CSMD1: variants seen among roughly 807,000 people sequenced by gnomAD.
CSMD1 encodes CUB and sushi domain-containing protein 1.
A neutral mutation model predicts 417.5 loss-of-function variants in CSMD1; 213 were observed. The ratio of observed to expected loss-of-function variants is 0.51; its 90% confidence interval spans 0.46 to 0.57. The LOEUF is 0.57. Among genes scored for constraint, CSMD1 ranks in the 20% least tolerant of loss-of-function variants. The pLI, the probability that CSMD1 is intolerant of heterozygous loss-of-function variation, is 0.00. For synonymous variants in CSMD1, 2,862 were observed against 1,736.8 expected (o/e 1.65, Z -16.11); for missense variants, 6,923 against 4,529.7 (o/e 1.53, Z -15.17).
At chr8:3,207,857 T>C (rs539622483) in intron 30 of CSMD1, among the ~76,000 whole-genome samples, 3 of 152,318 alleles carry the variant, frequency 2.0e-5, no homozygotes, top group South Asian at 4.1e-4. Flanking sequence ...TTTTTATGAT[T>C]TTAAATAGAA....
chr8:4,510,413 A>AAAAAAAAAAAAAAAAAAC (rs1802756670), intron 2 of CSMD1, among the ~76,000 whole-genome samples: 1 of 147,320 alleles, frequency 6.8e-6, no homozygotes, highest in Non-Finnish European at 1.5e-5. Flanking sequence ...AAAAAAAAAA[A>AAAAAAAAAAAAAAAAAAC]AAAAAAAAAG....
chr8:4,255,472 C>G (rs1195039966), intron 3 of CSMD1, among the ~76,000 whole-genome samples: 3 of 152,136 alleles, frequency 2.0e-5, no homozygotes, highest in Non-Finnish European at 1.5e-5. Context: ...TCTATAAAGA[C>G]TTGTTCATTA....
intron 1 of CSMD1, among the ~76,000 whole-genome samples, chr8:4,702,337 T>A (rs1234502637): frequency 1.3e-5 from 2 of 152,174 alleles, no homozygotes; most frequent in African/African-American, 4.8e-5. Flanking sequence ...GGATTAGGAA[T>A]CTTTGCTAAA....
At chr8:4,376,371 G>A (rs1450190981) in intron 3 of CSMD1, among the ~76,000 whole-genome samples, 2 of 152,154 alleles carry the variant, frequency 1.3e-5, no homozygotes, top group Non-Finnish European at 2.9e-5. Context: ...AATACTTACT[G>A]TGAGTAACCA....
chr8:3,967,886 G>A (rs990490779), intron 5 of CSMD1, among the ~76,000 whole-genome samples: 7 of 151,802 alleles, frequency 4.6e-5, no homozygotes, highest in African/African-American at 1.7e-4. Flanking sequence ...TGCCACAATT[G>A]GCCGGGCGCA....
intron 7 of CSMD1, among the ~76,000 whole-genome samples, chr8:3,683,230 A>G (rs1563269234): frequency 6.6e-6 from 1 of 151,594 alleles, no homozygotes; most frequent in Non-Finnish European, 1.5e-5. Context: ...AAAAAATAAA[A>G]TAATAAAAAA....
intron 9 of CSMD1, among the ~76,000 whole-genome samples, chr8:3,580,823 C>A (rs556444048): frequency 1.3e-5 from 2 of 152,260 alleles, no homozygotes; most frequent in East Asian, 3.9e-4. Flanking sequence ...AAATGATCTT[C>A]TTATTACTCT....
At position 3,611,989 on chromosome 8, in the gene CSMD1, A is replaced by G. The variant is rs1801915736; in HGVS notation, c.1097+4721T>C. On this transcript the variant is annotated intron_variant, in intron 8 of 69. Transcript: ENST00000635120. ...ATAGTATCAAATAATATACTCAGTT[A>G]TTTGAAAAGATTTTTAAAATACTAA... 2.6e-5 allele frequency among the ~76,000 whole-genome samples: 4 copies of G among 152,100 alleles called. No homozygotes were observed. The South Asian group carries it at 8.3e-4, about 31-fold the overall frequency.
intron 2 of CSMD1, among the ~76,000 whole-genome samples, chr8:4,433,171 T>TGGCGAGTTGTATAACTATTTC: frequency 6.6e-6 from 1 of 152,314 alleles, no homozygotes; most frequent in African/African-American, 2.4e-5. Flanking sequence ...TTCTGCATTA[T>TGGCGAGTTGTATAACTATTTC]GGCGAGTTGT....
intron 6 of CSMD1, among the ~76,000 whole-genome samples, chr8:3,714,049 T>TAGATAGACAGAC (rs1305493486): frequency 6.6e-6 from 1 of 151,574 alleles, no homozygotes; most frequent in Non-Finnish European, 1.5e-5. Context: ...GATAGATAGA[T>TAGATAGACAGAC]AGATAGATAG....
chr8:3,556,610 T>C (rs1799166178), intron 10 of CSMD1, among the ~76,000 whole-genome samples: 1 of 151,424 alleles, frequency 6.6e-6, no homozygotes, highest in Non-Finnish European at 1.5e-5. Flanking sequence ...CCTTTAGGGC[T>C]GGTACAAAAA....
At chr8:4,785,605 G>A (rs935180882) in intron 1 of CSMD1, among the ~76,000 whole-genome samples, 14 of 152,038 alleles carry the variant, frequency 9.2e-5, no homozygotes, top group Non-Finnish European at 1.2e-4. Flanking sequence ...ACTTCAGGGG[G>A]CTCTGAGAAC....
intron 1 of CSMD1, among the ~76,000 whole-genome samples, chr8:4,816,656 C>G (rs1393459678): frequency 6.6e-6 from 1 of 152,112 alleles, no homozygotes; most frequent in Non-Finnish European, 1.5e-5. Context: ...CTCTACAATT[C>G]CCACTGGTGA....
intron 49 of CSMD1, among the ~76,000 whole-genome samples, chr8:3,069,261 C>T (rs1813164207): frequency 6.6e-6 from 1 of 151,700 alleles, no homozygotes. Flanking sequence ...TGGTGAACAC[C>T]CTGTCGCTAC....
At chr8:3,639,970 G>A (rs898474342) in intron 7 of CSMD1, among the ~76,000 whole-genome samples, 3 of 152,164 alleles carry the variant, frequency 2.0e-5, no homozygotes, top group African/African-American at 4.8e-5. Context: ...ACTATTTTAT[G>A]GCTAGCATCT....
chr8:3,044,795 G>T (rs1271457146), intron 50 of CSMD1, among the ~76,000 whole-genome samples: 1 of 152,168 alleles, frequency 6.6e-6, no homozygotes, highest in Non-Finnish European at 1.5e-5. Context: ...ATTTATCAAA[G>T]CTGAAGTATT....
At chr8:3,892,350 G>C (rs766188192) in intron 5 of CSMD1, among the ~76,000 whole-genome samples, 1 of 152,072 alleles carries the variant, frequency 6.6e-6, no homozygotes, top group Non-Finnish European at 1.5e-5. Flanking sequence ...TCAAGAAGAC[G>C]TGTGGGGAAC....
intron 5 of CSMD1, among the ~76,000 whole-genome samples, chr8:3,857,555 G>A (rs1053671821): frequency 3.9e-5 from 6 of 152,130 alleles, no homozygotes; most frequent in African/African-American, 7.2e-5. Context: ...TGGCAGAGTC[G>A]TCTTCCACAC....
chr8:3,224,065 G>C (rs989137521), intron 27 of CSMD1, among the ~76,000 whole-genome samples, 198 bp from the exon 28 acceptor site: 10 of 152,270 alleles, frequency 6.6e-5, no homozygotes, highest in African/African-American at 2.4e-4. Flanking sequence ...TCATGTAACT[G>C]TTAATGAATT....
Sources: allele counts gnomAD v4.1 joint callset (sites outside exome capture counted in the v4.1 genomes callset), GRCh38; gene constraint gnomAD v4.1.1; transcripts MANE v1.5; gene names NCBI Gene and HGNC (gene_info 2026-07-23, HGNC 2026-07-21).